PKHD1L1: variants seen among roughly 807,000 people sequenced by gnomAD.
PKHD1L1 encodes the protein fibrocystin-L.
In PKHD1L1, 434 loss-of-function variants were observed where a neutral mutation model predicts 462.9. The ratio of observed to expected loss-of-function variants is 0.94; its 90% CI spans 0.87 to 1.02. The LOEUF (loss-of-function observed/expected upper bound fraction) is 1.02. Ranked by LOEUF, PKHD1L1 falls within the 50% of genes least tolerant of loss-of-function variation. The pLI is 0.00. For synonymous variants in PKHD1L1, 1,781 were observed against 1,750.0 expected, an observed-to-expected ratio of 1.02 and a Z score of -0.44; for missense variants, 5,202 against 5,096.1, an observed-to-expected ratio of 1.02 and a Z score of -0.63.
rs577063940 is a variant in PKHD1L1, at chr8:109,454,596, G to T, written c.6745-127G>T. ...TTAAAGGTTTATCTTTCAAAAGAAA[G>T]ATATGAACAACTGAGCAATTAATTC... On this transcript the variant is annotated intron_variant, in intron 44 of 77. Coordinates refer to ENST00000378402, the MANE Select transcript of PKHD1L1 (RefSeq NM_177531.6). 1.1e-5 allele frequency: 15 copies of T among 1,339,298 alleles called. No homozygotes were observed. In the South Asian group the frequency reaches 2.0e-4, roughly 18 times the overall value. 83.0% of individuals were successfully genotyped at this position (1,339,298 alleles called of 1,614,324 possible).
rs1272557070 is a variant in PKHD1L1 at position 109,426,842 on chromosome 8, G to A, written c.2846-160G>A. On this transcript the variant is annotated intron_variant, in intron 24 of 77. Transcript: ENST00000378402. ...TAATTTTTGTATTTTTAGTAGAGAC[G>A]GGGTTTTACCATGTTGGCCAGGCTG... Among the ~76,000 whole-genome samples the A allele has an allele frequency of 5.9e-5, 9 of 152,052 alleles. No individual in the cohort carries two copies. In the South Asian group the frequency reaches 1.7e-3, roughly 28 times the overall value.
intron 47 of PKHD1L1, among the ~76,000 whole-genome samples, chr8:109,460,423 A>C (rs2130816352): frequency 6.6e-6 from 1 of 152,246 alleles, no homozygotes; most frequent in South Asian, 2.1e-4. Context: ...GATAGATGGA[A>C]TGATGGGGGG....
chr8:109,520,875 A>G (rs1820517501), intron 73 of PKHD1L1, among the ~76,000 whole-genome samples: 1 of 152,180 alleles, frequency 6.6e-6, no homozygotes, highest in Non-Finnish European at 1.5e-5. Flanking sequence ...TCGAACGGTC[A>G]GCGAGAACCT....
chr8:109,423,413 G>A (rs1390950339), intron 23 of PKHD1L1, among the ~76,000 whole-genome samples: 1 of 151,938 alleles, frequency 6.6e-6, no homozygotes, highest in Non-Finnish European at 1.5e-5. Context: ...AATTACATTG[G>A]AACCTTTGTC....
At chr8:109,424,547 A>G (rs1814638149) in intron 23 of PKHD1L1, among the ~76,000 whole-genome samples, 1 of 152,202 alleles carries the variant, frequency 6.6e-6, no homozygotes, top group African/African-American at 2.4e-5. Flanking sequence ...GTTACAATCT[A>G]TGAATTTCTA....
At position 109,396,075 on chromosome 8, in the gene PKHD1L1, C is replaced by A. The variant is rs368657255; in HGVS notation, c.860C>A (p.Thr287Lys). The A allele has an allele frequency of 3.5e-5, 56 of 1,608,984 alleles. No individual in the cohort carries two copies. In the Admixed American group the frequency reaches 3.5e-4, roughly 10 times the overall value. Reference sequence around the variant, plus strand: ...CAAGGAAGCATTCGAGGTGGCACCACGCTGACAATAAGTGGGCGTTTCTTT... The same window carrying A: ...CAAGGAAGCATTCGAGGTGGCACCAAGCTGACAATAAGTGGGCGTTTCTTT... Reference protein sequence around the residue: ...PSQGSIRGGTTLTISGRFFDQ... With the variant: ...PSQGSIRGGTKLTISGRFFDQ... The change falls in exon 11 of 78, where the codon ACG becomes AAG. Residue 287 changes from threonine (T) to lysine (K), a missense_variant. Physicochemically the swap from Thr to Lys is moderately conservative, Grantham distance 78. Transcript: ENST00000378402.
At chr8:109,511,502 T>C (rs971533754) in intron 71 of PKHD1L1, among the ~76,000 whole-genome samples, 1 of 151,790 alleles carries the variant, frequency 6.6e-6, no homozygotes, top group African/African-American at 2.4e-5. Context: ...ATTTCATCCA[T>C]GTCCCTACAA....
At chr8:109,508,888 A>G (rs1205923390) in intron 70 of PKHD1L1, among the ~76,000 whole-genome samples, 2 of 152,088 alleles carry the variant, frequency 1.3e-5, no homozygotes, top group Admixed American at 1.3e-4. Context: ...AGCTTAGGAG[A>G]CCAAGGCTTT....
At chr8:109,478,366 G>A (rs1224642346) in intron 53 of PKHD1L1, among the ~76,000 whole-genome samples, 2 of 152,084 alleles carry the variant, frequency 1.3e-5, no homozygotes, top group Non-Finnish European at 2.9e-5. Context: ...AATCCAAAGA[G>A]ATGACAAAAC....
chr8:109,486,779 G>C lies in PKHD1L1; in HGVS notation c.9838G>C (p.Val3280Leu), dbSNP rs369177302. The C allele has an allele frequency of 6.2e-6, 10 of 1,612,200 alleles. 1 individual carries two copies. The highest frequency in any genetic ancestry group is 3.3e-4 in the Middle Eastern group (2 of 6,044). Residue 3280 changes from valine (V) to leucine (L), a missense_variant, in exon 59 of 78, where the codon GTA becomes CTA. This residue lies in a region of PKHD1L1 where 4,497 missense variants were observed against 4,336.8 expected (regional missense o/e 1.04). Transcript: ENST00000378402. ...GWSEDSFGAR[V>L]LVGSFTENMM... ...GTCTGAGGACTCTTTTGGAGCACGC[G>C]TACTGGTTGGCTCATTCACTGAAAA...
At chr8:109,483,422 A>G (rs1163273262) in intron 57 of PKHD1L1, among the ~76,000 whole-genome samples, 1 of 149,274 alleles carries the variant, frequency 6.7e-6, no homozygotes, top group Non-Finnish European at 1.5e-5. Flanking sequence ...TAGATTAGTC[A>G]TACAATATAT....
chr8:109,397,671 C>T (rs1165602331), intron 11 of PKHD1L1, among the ~76,000 whole-genome samples: 3 of 152,214 alleles, frequency 2.0e-5, no homozygotes, highest in African/African-American at 7.2e-5. Context: ...GCCTGGGTGA[C>T]AGAGCAAGAC....
chr8:109,479,840 CAGATTTTCTGGGAG>C (rs1461542574), intron 54 of PKHD1L1, 137 bp from the exon 55 acceptor site: 1 of 911,168 alleles, frequency 1.1e-6, no homozygotes, highest in African/African-American at 1.7e-5. Flanking sequence ...TTAACAAGAG[CAGATTTTCTGGGAG>C]AGATAGGAAT....
At chr8:109,491,826 CTT>C in intron 61 of PKHD1L1, 45 bp from the exon 62 acceptor site, 2 of 1,496,504 alleles carry the variant, frequency 1.3e-6, no homozygotes, top group Non-Finnish European at 1.8e-6. Context: ...TGCAAATTGA[CTT>C]ATGTTTTTTG....
chr8:109,440,982 T>C lies in PKHD1L1; in HGVS notation c.4099+130T>C, dbSNP rs1815754041. ...TTTCTAGTAGCATAAAAAAGGTAAG[T>C]GTATTTGGTTAAAGTGATAAAGAGA... On this transcript the variant is annotated intron_variant, in intron 33 of 77. Coordinates refer to ENST00000378402, the MANE Select transcript of PKHD1L1 (RefSeq NM_177531.6). The C allele has an allele frequency of 3.4e-6, 4 of 1,162,766 alleles. No homozygotes were observed. The East Asian group carries it at 7.1e-5, about 21-fold the overall frequency. 72.0% of individuals were successfully genotyped at this position (1,162,766 alleles called of 1,614,324 possible). A position where few individuals can be genotyped will look rare whatever the true frequency, so the allele number is the denominator to read the frequency against.
rs1345134617 is a variant in PKHD1L1 at position 109,383,167 on chromosome 8, TA to T, written c.417+597del. Among the ~76,000 whole-genome samples, 5 of 90,142 alleles carry T rather than the reference TA, an allele frequency of 5.5e-5. 1 individual carries two copies. The highest frequency in any genetic ancestry group is 1.0e-4 in the Non-Finnish European group (5 of 49,842). The allele number at this position is 90,142 out of a possible 152,430, so 59.1% of individuals were successfully genotyped here. On this transcript the variant is annotated intron_variant, in intron 4 of 77. Transcript: ENST00000378402. The stretch of plus-strand genomic sequence containing the variant: ...ATATATTATATATATTTATATATAA[TA>T]TATACAATAATATATATAATTATAT...
intron 38 of PKHD1L1, among the ~76,000 whole-genome samples, chr8:109,447,002 T>C (rs1206597944): frequency 6.6e-6 from 1 of 152,190 alleles, no homozygotes; most frequent in African/African-American, 2.4e-5. Context: ...GGCTGGCGGA[T>C]TGCCTGAGCT....
At chr8:109,461,016 T>A (rs566958934) in intron 47 of PKHD1L1, among the ~76,000 whole-genome samples, 1 of 152,218 alleles carries the variant, frequency 6.6e-6, no homozygotes, top group East Asian at 1.9e-4. Context: ...AGAGAGTGAG[T>A]TAGTGCAAAA....
At chr8:109,524,682 C>T (rs192406361) in intron 76 of PKHD1L1, among the ~76,000 whole-genome samples, 8 of 152,288 alleles carry the variant, frequency 5.3e-5, no homozygotes, top group Admixed American at 2.0e-4. Flanking sequence ...TTCTTTCATA[C>T]GTTAAGTTTT....
Sources: allele counts gnomAD v4.1 joint callset (sites outside exome capture counted in the v4.1 genomes callset), GRCh38; gene constraint gnomAD v4.1.1; regional missense constraint gnomAD v4.1.1; transcripts MANE v1.5; gene names NCBI Gene and HGNC (gene_info 2026-07-23, HGNC 2026-07-21).